The following ANKRD24 variants were observed in gnomAD, a reference collection of about 807,000 sequenced individuals.
ANKRD24 encodes ankyrin repeat domain 24.
ANKRD24 carries 109 observed loss-of-function variants against 127.8 expected under a neutral mutation model. That is an observed-to-expected ratio of 0.85 (90% CI 0.73 to 1.00). The LOEUF (loss-of-function observed/expected upper bound fraction) is 1.00, where lower values mean the gene tolerates loss of function less well. ANKRD24 is among the 50% of genes least tolerant of loss of function. The pLI, the probability that ANKRD24 is intolerant of heterozygous loss-of-function variation, is 0.00. For missense variants in ANKRD24, 1,648 were observed against 1,570.2 expected (o/e 1.05, Z -0.84); for synonymous variants, 743 against 671.1 (o/e 1.11, Z -1.66).
Position 4,217,649 on chromosome 19 carries a change from G to T in ANKRD24, c.2489G>T (p.Arg830Leu). The T allele has an allele frequency of 7.8e-7, 1 of 1,285,160 alleles. No homozygotes were observed. The highest frequency in any genetic ancestry group is 9.8e-7 in the Non-Finnish European group (1 of 1,019,578). 79.6% of individuals were successfully genotyped at this position (1,285,160 alleles called of 1,614,324 possible). A position where few individuals can be genotyped will look rare whatever the true frequency, so the allele number is the denominator to read the frequency against. Reference protein sequence around the residue: ...ASRLLAEEEARGLRAELAQRE... With the variant: ...ASRLLAEEEALGLRAELAQRE... ...CGGCTGCTGGCGGAGGAGGAGGCGC[G>T]GGGCCTGCGGGCCGAGCTGGCCCAG... The change falls in exon 18 of 22, where the codon CGG becomes CTG. Residue 830 changes from arginine to leucine, a missense_variant. Physicochemically the swap from Arg to Leu is moderately radical, Grantham distance 102. Transcript: ENST00000318934.
intron 17 of ANKRD24, 34 bp from the exon 18 acceptor site, chr19:4,216,516 C>T: frequency 1.3e-6 from 2 of 1,575,616 alleles, no homozygotes; most frequent in Non-Finnish European, 1.7e-6. Context: ...ACATCAACTC[C>T]TGCCAGACTC....
intron 2 of ANKRD24, 78 bp downstream of exon 2, chr19:4,186,539 A>C: frequency 6.7e-7 from 1 of 1,489,996 alleles, no homozygotes; most frequent in South Asian, 1.2e-5. Context: ...CTGAAGATCC[A>C]CCCTTTCATT....
Position 4,217,739 on chromosome 19 carries a change from C to T in ANKRD24, c.2579C>T (p.Ala860Val), listed in dbSNP as rs779901506. The T allele has an allele frequency of 1.1e-5, 14 of 1,294,626 alleles. No individual in the cohort carries two copies. The South Asian group carries it at 2.4e-4, about 22-fold the overall frequency. 80.2% of individuals were successfully genotyped at this position (1,294,626 alleles called of 1,614,324 possible). ...LEVLREQLAT[A>V]RATGEQQRTA... ...GTTCTGCGGGAGCAGCTGGCCACGG[C>T]CAGGGCCACGGGGGAGCAGCAGCGC... Residue 860 changes from alanine (A) to valine (V), a missense_variant, in exon 18 of 22, where the codon GCC becomes GTC. Transcript: ENST00000318934.
At chr19:4,190,435 A>G (rs990319044) in intron 2 of ANKRD24, among the ~76,000 whole-genome samples, 3 of 149,756 alleles carry the variant, frequency 2.0e-5, no homozygotes, top group Non-Finnish European at 4.4e-5. Context: ...AAAAAAAAAA[A>G]AAAATCTGGC....
chr19:4,202,901 C>A lies in ANKRD24; in HGVS notation c.441C>A (p.Ser147Arg). 1 of 1,588,146 alleles carries A rather than the reference C, an allele frequency of 6.3e-7. No individual in the cohort carries two copies. Among genetic ancestry groups the A allele is most frequent in the Non-Finnish European group, 8.6e-7 (1 of 1,167,688 alleles). Residue 147 changes from serine (S) to arginine (R), a missense_variant, in exon 7 of 22, where the codon AGC (serine) becomes AGA (arginine). Physicochemically the swap from Ser to Arg is moderately radical, Grantham distance 110 (BLOSUM62 -1). Coordinates refer to ENST00000318934, the MANE Select transcript of ANKRD24 (RefSeq NM_001393985.1). ...GCGTGGTGGACGTCGTGGACAGCAG[C>A]GGGTGGACTGCCCTACACCATGCAG... Reference protein sequence around the residue: ...ASCVVDVVDSSGWTALHHAAA... With the variant: ...ASCVVDVVDSRGWTALHHAAA...
In ANKRD24 at chr19:4,217,192, A is replaced by AG. The variant is rs1407528767; in HGVS notation, c.2035dup (p.Ala679GlyfsTer105). 1.2e-6 allele frequency: 2 copies of AG among 1,609,628 alleles called. No individual in the cohort carries two copies. The highest frequency in any genetic ancestry group is 1.7e-6 in the Non-Finnish European group (2 of 1,177,602). On this transcript the variant is annotated frameshift_variant, in exon 18 of 22. Transcript: ENST00000318934. LOFTEE classifies it high-confidence loss of function. Reference sequence around the variant, plus strand: ...CACAAACATGGAGGCCACGGGCTCTAGGGCCACAGGGATGGAATCCACAGG... The same window carrying AG: ...CACAAACATGGAGGCCACGGGCTCTAGGGGCCACAGGGATGGAATCCACAGG...
chr19:4,224,146 C>G lies in ANKRD24; in HGVS notation c.3317C>G (p.Ser1106Cys). The change falls in exon 21 of 22, where the codon TCC (serine) becomes TGC (cysteine). Residue 1106 changes from serine (S) to cysteine (C), a missense_variant. Physicochemically the swap from Ser to Cys is moderately radical, Grantham distance 112. Coordinates refer to ENST00000318934, the MANE Select transcript of ANKRD24 (RefSeq NM_001393985.1). ...CCACAGGAAGCTGCCAGGGACCACTCCAGCGTGGTGGCTTTGTACAGAAGC... is the reference window on the plus strand; with the variant it reads ...CCACAGGAAGCTGCCAGGGACCACTGCAGCGTGGTGGCTTTGTACAGAAGC... ...QQLQEAARDH[S>C]SVVALYRSHL... 6.2e-7 allele frequency: 1 copy of G among 1,612,928 alleles called. No homozygotes were observed. The highest frequency in any genetic ancestry group is 1.3e-5 in the African/African-American group (1 of 75,008).
rs913082733 is a variant in ANKRD24 at position 4,195,226 on chromosome 19, C to A, written c.37-4457C>A. 6.6e-6 allele frequency among the ~76,000 whole-genome samples: 1 copy of A among 152,072 alleles called. No individual in the cohort carries two copies. Among genetic ancestry groups the A allele is most frequent in the South Asian group, 2.1e-4 (1 of 4,820 alleles). On this transcript the variant is annotated intron_variant, in intron 2 of 21. Transcript: ENST00000318934. This position sits in a 1 kb window ranked among gnomAD's most constrained non-coding sequence, Gnocchi z 4.2. ...TAGCTGGGACTACAGGCGCCCACCA[C>A]CACGCCCGGCTAATTTTTTGTATTT...
chr19:4,213,056 G>A (rs934454609), intron 15 of ANKRD24, among the ~76,000 whole-genome samples: 2 of 152,088 alleles, frequency 1.3e-5, no homozygotes, highest in Non-Finnish European at 2.9e-5. Context: ...ACTTGAACCC[G>A]GGAGGCGTAG....
intron 13 of ANKRD24, among the ~76,000 whole-genome samples, chr19:4,211,563 G>A (rs1001149603): frequency 6.6e-6 from 1 of 152,058 alleles, no homozygotes; most frequent in Non-Finnish European, 1.5e-5. Flanking sequence ...AGAATTGCTT[G>A]AACCCGGGAG....
rs1178943862 is a variant in ANKRD24 at position 4,224,534 on chromosome 19, C to T, written c.*29C>T. The T allele has an allele frequency of 6.3e-7, 1 of 1,588,122 alleles. No homozygotes were observed. Among genetic ancestry groups the T allele is most frequent in the Non-Finnish European group, 8.6e-7 (1 of 1,165,998 alleles). ...AGGCCAGGCCCAGTGGCTACACTGACCACACCCACGCAGGGACCTCACCCC... is the reference window on the plus strand; with the variant it reads ...AGGCCAGGCCCAGTGGCTACACTGATCACACCCACGCAGGGACCTCACCCC... On this transcript the variant is annotated 3_prime_UTR_variant, in exon 22 of 22. Coordinates refer to ENST00000318934, the MANE Select transcript of ANKRD24 (RefSeq NM_001393985.1).
At position 4,198,236 on chromosome 19, in the gene ANKRD24, G is replaced by A. The variant is rs1968870905; in HGVS notation, c.37-1447G>A. On this transcript the variant is annotated intron_variant, in intron 2 of 21. Coordinates refer to ENST00000318934, the MANE Select transcript of ANKRD24 (RefSeq NM_001393985.1). This position sits in a 1 kb window ranked among gnomAD's most constrained non-coding sequence, Gnocchi z 6.1. ...CAAGGTCAGGAGGGGCCGGGGCGGC[G>A]CCCCTTCCCTCAGCCCCCAGCCCCC... 5.9e-6 allele frequency: 3 copies of A among 504,520 alleles called. No homozygotes were observed. Among genetic ancestry groups the A allele is most frequent in the South Asian group, 5.5e-5 (2 of 36,140 alleles). The allele number at this position is 504,520 out of a possible 1,614,324, so 31.3% of individuals were successfully genotyped here. A position where few individuals can be genotyped will look rare whatever the true frequency, so the allele number is the denominator to read the frequency against.
chr19:4,189,818 G>T (rs555407377), intron 2 of ANKRD24, among the ~76,000 whole-genome samples: 2 of 152,220 alleles, frequency 1.3e-5, no homozygotes, highest in Non-Finnish European at 2.9e-5. Context: ...AGATGAGGGA[G>T]GGAAGCCCAG....
In ANKRD24 at chr19:4,198,710, A is replaced by C. The variant is rs1968917228; in HGVS notation, c.37-973A>C. Among the ~76,000 whole-genome samples the C allele has an allele frequency of 6.6e-6, 1 of 152,072 alleles. No individual in the cohort carries two copies. Among genetic ancestry groups the C allele is most frequent in the African/African-American group, 2.4e-5 (1 of 41,400 alleles). ...CAGCTTTTGGGGGAATGGAAGAGACATTTGGGGAGACATGTGGACACGTTT... is the reference window on the plus strand; with the variant it reads ...CAGCTTTTGGGGGAATGGAAGAGACCTTTGGGGAGACATGTGGACACGTTT... On this transcript the variant is annotated intron_variant, in intron 2 of 21. Transcript: ENST00000318934. The surrounding 1 kb of genome is among the most constrained non-coding windows in gnomAD (Gnocchi z 6.1).
rs1860142905 is a variant in ANKRD24, at chr19:4,198,073, G to A, written c.37-1610G>A. The A allele has an allele frequency of 2.3e-6, 1 of 440,082 alleles. No individual in the cohort carries two copies. Among genetic ancestry groups the A allele is most frequent in the Non-Finnish European group, 4.1e-6 (1 of 246,812 alleles). 27.3% of individuals were successfully genotyped at this position (440,082 alleles called of 1,614,324 possible). A position where few individuals can be genotyped will look rare whatever the true frequency, so the allele number is the denominator to read the frequency against. ...GCGAGGCTGCGGACGTCGCGGGCCC[G>A]GAGGCACCTGCGCGCCCTTGGCCGA... On this transcript the variant is annotated intron_variant, in intron 2 of 21. Transcript: ENST00000318934. This position sits in a 1 kb window ranked among gnomAD's most constrained non-coding sequence, Gnocchi z 6.1.
intron 13 of ANKRD24, among the ~76,000 whole-genome samples, chr19:4,211,372 C>T (rs1460901377): frequency 6.6e-6 from 1 of 152,006 alleles, no homozygotes; most frequent in East Asian, 1.9e-4. Context: ...GGCACGGTGG[C>T]TCACACCTGT....
At chr19:4,201,943 C>A (rs1969116553) in intron 5 of ANKRD24, 83 bp from the exon 6 acceptor site, 1 of 1,217,098 alleles carries the variant, frequency 8.2e-7, no homozygotes, top group Non-Finnish European at 1.2e-6. Flanking sequence ...AGAAACTCAT[C>A]ACAAGTAGTT....
chr19:4,187,788 C>T (rs1379445342), intron 2 of ANKRD24, among the ~76,000 whole-genome samples: 1 of 152,130 alleles, frequency 6.6e-6, no homozygotes, highest in Admixed American at 6.6e-5. Context: ...TCTGGTGTGG[C>T]CTGGAGAAAT....
At chr19:4,188,074 A>T (rs1011084874) in intron 2 of ANKRD24, among the ~76,000 whole-genome samples, 1 of 151,822 alleles carries the variant, frequency 6.6e-6, no homozygotes, top group Non-Finnish European at 1.5e-5. Context: ...TTCATTTTTT[A>T]TTTTATTTTA....
Sources: allele counts gnomAD v4.1 joint callset (sites outside exome capture counted in the v4.1 genomes callset), GRCh38; gene constraint gnomAD v4.1.1; non-coding constraint Gnocchi (gnomAD v3.1); transcripts MANE v1.5; gene names NCBI Gene and HGNC (gene_info 2026-07-23, HGNC 2026-07-21).